The following IQSEC1 variants were observed in gnomAD, a reference collection of about 807,000 sequenced individuals.
IQSEC1 encodes the protein IQ motif and Sec7 domain ArfGEF 1.
In IQSEC1, 31 loss-of-function variants were observed where a neutral mutation model predicts 91.0. The ratio of observed to expected loss-of-function variants is 0.34; its 90% CI spans 0.26 to 0.46. The LOEUF is 0.46. Among genes scored for constraint, IQSEC1 ranks in the 20% least tolerant of loss-of-function variants. IQSEC1 has a pLI of 1.00. For missense variants in IQSEC1, 1,388 were observed against 1,575.6 expected (o/e 0.88, Z 2.02); for synonymous variants, 699 against 662.6 (o/e 1.05, Z -0.84).
intron 1 of IQSEC1, among the ~76,000 whole-genome samples, chr3:13,196,764 G>GTA (rs1559275233): frequency 6.7e-6 from 1 of 148,622 alleles, no homozygotes; most frequent in Non-Finnish European, 1.5e-5. Flanking sequence ...GTGTGTGTGT[G>GTA]TGTGTGTGTG....
chr3:13,119,452 G>A (rs1341770059), intron 2 of IQSEC1, among the ~76,000 whole-genome samples: 2 of 152,250 alleles, frequency 1.3e-5, no homozygotes, highest in Non-Finnish European at 2.9e-5. Context: ...GGATGGTACT[G>A]AGCTGAGATG....
chr3:13,048,131 C>T (rs1171194858), intron 1 of IQSEC1, among the ~76,000 whole-genome samples: 1 of 152,174 alleles, frequency 6.6e-6, no homozygotes, highest in Non-Finnish European at 1.5e-5. Flanking sequence ...CATGACTAGC[C>T]ATAGACTTGG....
rs185933184 is a variant in IQSEC1, at chr3:13,156,305, T to C, written c.302+7799A>G. Among the ~76,000 whole-genome samples, 13 of 151,982 alleles carry C rather than the reference T, an allele frequency of 8.6e-5. 1 individual carries two copies. Among genetic ancestry groups the C allele is most frequent in the Admixed American group, 8.5e-4 (13 of 15,246 alleles). ...AAAATAGGAATGGAAAGAAACTACCTCAACATAATGAAGACCATATACAAA... is the reference window on the plus strand; with the variant it reads ...AAAATAGGAATGGAAAGAAACTACCCCAACATAATGAAGACCATATACAAA... On this transcript the variant is annotated intron_variant, in intron 2 of 15. Transcript: ENST00000648114.
intron 1 of IQSEC1, among the ~76,000 whole-genome samples, chr3:13,166,976 A>T (rs539587335): frequency 6.6e-6 from 1 of 152,320 alleles, no homozygotes; most frequent in Non-Finnish European, 1.5e-5. Context: ...GAAAAGCGAG[A>T]GGGGCTGGGC....
chr3:13,210,867 C>T lies in IQSEC1; in HGVS notation c.273-46734G>A, dbSNP rs569275484. Among the ~76,000 whole-genome samples, 169 of 152,304 alleles carry T rather than the reference C, an allele frequency of 1.1e-3. 1 individual carries two copies. Among genetic ancestry groups the T allele is most frequent in the Non-Finnish European group, 1.8e-3 (122 of 68,008 alleles). On this transcript the variant is annotated intron_variant, in intron 1 of 15. Coordinates refer to the IQSEC1 transcript ENST00000648114. The stretch of plus-strand genomic sequence containing the variant: ...ACAAACGCCATCCACATGGAGGGCA[C>T]GGCCCACTGTGGACTGAAAGGAACA...
intron 13 of IQSEC1, among the ~76,000 whole-genome samples, chr3:12,902,387 G>A (rs1694416207): frequency 1.3e-5 from 2 of 152,040 alleles, no homozygotes; most frequent in Admixed American, 1.3e-4. Flanking sequence ...TGTGGAGGGT[G>A]AGTGGGAGCC....
intron 2 of IQSEC1, among the ~76,000 whole-genome samples, chr3:13,160,759 C>A (rs1707159273): frequency 1.3e-5 from 2 of 152,236 alleles, no homozygotes; most frequent in African/African-American, 4.8e-5. Context: ...CTGCCCAGGG[C>A]TCCCAGCAAG....
In IQSEC1 at chr3:12,908,278, CTGAA is replaced by C. The variant is rs761500196; in HGVS notation, c.2755+67_2755+70del. 571 of 1,532,708 alleles carry C rather than the reference CTGAA, an allele frequency of 3.7e-4. No homozygotes were observed. The highest frequency in any genetic ancestry group is 9.4e-4 in the Middle Eastern group (4 of 4,240). 94.9% of individuals were successfully genotyped at this position (1,532,708 alleles called of 1,614,324 possible). A position where few individuals can be genotyped will look rare whatever the true frequency, so the allele number is the denominator to read the frequency against. ...GGCCCTGCCCCGCGTGATGCATGCC[CTGAA>C]TGCAGACGCCCTGCCTCGGTCTTGC... On this transcript the variant is annotated intron_variant, in intron 12 of 13. Transcript: ENST00000613206. The surrounding 1 kb of genome is among the most constrained non-coding windows in gnomAD (Gnocchi z 4.9).
At chr3:13,128,635 G>T (rs1166751483) in intron 2 of IQSEC1, among the ~76,000 whole-genome samples, 2 of 152,140 alleles carry the variant, frequency 1.3e-5, no homozygotes, top group African/African-American at 4.8e-5. Flanking sequence ...GGAGGCCGAG[G>T]CGGGCGGATC....
intron 1 of IQSEC1, among the ~76,000 whole-genome samples, chr3:12,987,561 C>T (rs942167427): frequency 2.6e-5 from 4 of 151,986 alleles, no homozygotes; most frequent in Non-Finnish European, 2.9e-5. Flanking sequence ...TCTCAAAACA[C>T]GAAAAATGTT....
At position 12,915,753 on chromosome 3, in the gene IQSEC1, G is replaced by A; in HGVS notation, c.2021-20C>T. On this transcript the variant is annotated intron_variant, in intron 6 of 13. Coordinates refer to ENST00000613206, the MANE Select transcript of IQSEC1 (RefSeq NM_001134382.3). ...CCACACCTGGGTAGGGGATGCAGCT[G>A]GATATCAGGGTGGGCCCCAGGCTCA... 1 of 1,612,048 alleles carries A rather than the reference G, an allele frequency of 6.2e-7. No individual in the cohort carries two copies.
intron 1 of IQSEC1, among the ~76,000 whole-genome samples, chr3:13,199,108 G>A (rs531962926): frequency 6.6e-5 from 10 of 152,298 alleles, no homozygotes; most frequent in South Asian, 2.1e-4. Context: ...GCGAGGGGAC[G>A]GGGGAGCTGG....
chr3:13,063,102 G>A (rs868489135), intron 1 of IQSEC1, among the ~76,000 whole-genome samples: 2 of 152,174 alleles, frequency 1.3e-5, no homozygotes, highest in African/African-American at 2.4e-5. Context: ...AGGGAGAGCC[G>A]GGACTCCTGG....
At position 12,967,433 on chromosome 3, in the gene IQSEC1, T is replaced by C. The variant is rs772658798; in HGVS notation, c.24-25568A>G. The stretch of plus-strand genomic sequence containing the variant: ...AGAAGGGACTGGGTCCTCTCCGAGT[T>C]GCAGTGCAGGCACCACATGGCGGCC... On this transcript the variant is annotated intron_variant, in intron 1 of 13. Coordinates refer to ENST00000613206, the MANE Select transcript of IQSEC1 (RefSeq NM_001134382.3). The surrounding 1 kb of genome is among the most constrained non-coding windows in gnomAD (Gnocchi z 5.9). The C allele has an allele frequency of 6.5e-7, 1 of 1,533,638 alleles. No individual in the cohort carries two copies. The highest frequency in any genetic ancestry group is 1.2e-5 in the South Asian group (1 of 83,094).
chr3:12,980,377 C>T (rs988846156), intron 1 of IQSEC1, among the ~76,000 whole-genome samples: 2 of 152,218 alleles, frequency 1.3e-5, no homozygotes, highest in Non-Finnish European at 2.9e-5. Context: ...AGTCTTGAGA[C>T]CCAGACGGAC....
intron 1 of IQSEC1, among the ~76,000 whole-genome samples, chr3:12,945,390 T>C (rs1699113978): frequency 6.6e-6 from 1 of 152,012 alleles, no homozygotes; most frequent in Non-Finnish European, 1.5e-5. Context: ...AGTCTTCCCT[T>C]CCATCCTGGA....
intron 3 of IQSEC1, among the ~76,000 whole-genome samples, chr3:12,931,017 C>T (rs1443341862): frequency 1.3e-5 from 2 of 152,212 alleles, no homozygotes; most frequent in Non-Finnish European, 2.9e-5. Context: ...AGGCTGCCTG[C>T]TCCACCAGCT....
At chr3:13,121,889 C>T (rs556513335) in intron 2 of IQSEC1, among the ~76,000 whole-genome samples, 28 of 152,216 alleles carry the variant, frequency 1.8e-4, no homozygotes, top group Non-Finnish European at 4.1e-4. Flanking sequence ...CGGAACTGCC[C>T]CCTGGGCTCG....
chr3:13,019,174 T>TGCCCAGCTCCCAA (rs1304225784), intron 1 of IQSEC1, among the ~76,000 whole-genome samples: 1 of 152,176 alleles, frequency 6.6e-6, no homozygotes, highest in Non-Finnish European at 1.5e-5. Flanking sequence ...AACCCTGGGG[T>TGCCCAGCTCCCAA]GCCCAGCTCC....
Sources: gnomAD v4.1 joint callset for allele counts (sites outside exome capture counted in the v4.1 genomes callset) on GRCh38, gnomAD v4.1.1 for gene constraint, Gnocchi (gnomAD v3.1) non-coding constraint, MANE v1.5 for transcripts, NCBI Gene and HGNC (gene_info 2026-07-23, HGNC 2026-07-21) for gene names.